Variants in FOCAD observed in about 807,000 individuals in gnomAD.
FOCAD encodes the protein focadhesin.
Under a neutral mutation model 225.6 loss-of-function variants are expected in FOCAD, and 198 were observed. That is an observed-to-expected ratio of 0.88 (90% CI 0.78 to 0.99). FOCAD has a LOEUF of 0.99. Ranked by LOEUF, FOCAD falls within the 50% of genes least tolerant of loss-of-function variation. The pLI, the probability that FOCAD is intolerant of heterozygous loss-of-function variation, is 0.00. For synonymous variants in FOCAD, 897 were observed against 755.0 expected (o/e 1.19, Z -3.08); for missense variants, 2,713 against 2,123.6 (o/e 1.28, Z -5.46).
intron 33 of FOCAD, among the ~76,000 whole-genome samples, chr9:20,950,116 A>G (rs1837555329): frequency 6.6e-6 from 1 of 151,976 alleles, no homozygotes; most frequent in Non-Finnish European, 1.5e-5. Flanking sequence ...CTCCTAAGAA[A>G]TGTTTTTTTG....
chr9:20,770,344 G>C (rs1341904493), intron 8 of FOCAD, 106 bp downstream of exon 8: 1 of 1,023,148 alleles, frequency 9.8e-7, no homozygotes, highest in Non-Finnish European at 1.4e-6. Context: ...AGTCTGGCAG[G>C]CTGTACAGGA....
At chr9:20,908,909 A>T (rs1833204107) in intron 22 of FOCAD, among the ~76,000 whole-genome samples, 1 of 152,096 alleles carries the variant, frequency 6.6e-6, no homozygotes, top group African/African-American at 2.4e-5. Context: ...CTCCTTCCTC[A>T]CAATGAGCTC....
At chr9:20,723,275 G>A (rs1398838959) in intron 4 of FOCAD, among the ~76,000 whole-genome samples, 1 of 152,202 alleles carries the variant, frequency 6.6e-6, no homozygotes, top group Non-Finnish European at 1.5e-5. Context: ...ATCACTTGAG[G>A]TCAGGAGTTC....
intron 21 of FOCAD, among the ~76,000 whole-genome samples, chr9:20,885,738 T>C (rs1368511953): frequency 6.6e-6 from 1 of 152,210 alleles, no homozygotes; most frequent in African/African-American, 2.4e-5. Flanking sequence ...GAAATCTGAT[T>C]ATTGCAGATT....
chr9:20,993,650 T>C (rs1006618943), intron 43 of FOCAD, among the ~76,000 whole-genome samples: 2 of 152,216 alleles, frequency 1.3e-5, no homozygotes, highest in Non-Finnish European at 2.9e-5. Context: ...TAAGTACTTA[T>C]GTGTGGAATT....
chr9:20,926,388 A>G lies in FOCAD; in HGVS notation c.3049A>G (p.Arg1017Gly). 6.2e-7 allele frequency: 1 copy of G among 1,611,220 alleles called. No individual in the cohort carries two copies. Among genetic ancestry groups the G allele is most frequent in the African/African-American group, 1.3e-5 (1 of 75,008 alleles). The change falls in exon 26 of 44, where the codon AGA (arginine) becomes GGA (glycine). Residue 1017 changes from arginine to glycine, a missense_variant. By Grantham distance (125) the Arg-to-Gly change is moderately radical. Coordinates refer to ENST00000338382, the MANE Select transcript of FOCAD (RefSeq NM_001375567.1). ...LVIVDSHYQP[R>G]GQLLSWFYYK... ...CATTGTGGATAGCCATTACCAACCCAGAGGGCAACTTCTCTCCTGGTTTTA... is the reference window on the plus strand; with the variant it reads ...CATTGTGGATAGCCATTACCAACCCGGAGGGCAACTTCTCTCCTGGTTTTA...
At chr9:20,698,283 A>G (rs1823546086) in intron 1 of FOCAD, among the ~76,000 whole-genome samples, 1 of 152,088 alleles carries the variant, frequency 6.6e-6, no homozygotes, top group African/African-American at 2.4e-5. Context: ...AACCCTATCA[A>G]CATTTTTGCC....
chr9:20,762,256 A>G (rs1241555240), intron 6 of FOCAD, among the ~76,000 whole-genome samples: 1 of 152,248 alleles, frequency 6.6e-6, no homozygotes, highest in African/African-American at 2.4e-5. Context: ...TATTTCATAC[A>G]TACATTATCT....
intron 2 of FOCAD, among the ~76,000 whole-genome samples, chr9:20,717,370 T>C (rs768832495): frequency 6.6e-5 from 10 of 152,220 alleles, no homozygotes; most frequent in Non-Finnish European, 1.3e-4. Context: ...GCCTATTGGC[T>C]CTAAGACATA....
At chr9:20,988,231 C>A in intron 40 of FOCAD, 101 bp from the exon 41 acceptor site, 2 of 640,812 alleles carry the variant, frequency 3.1e-6, no homozygotes, top group Non-Finnish European at 2.7e-6. Flanking sequence ...TAATGGAATC[C>A]TCACCAGGTG....
chr9:20,703,029 G>T (rs1824092863), intron 1 of FOCAD, among the ~76,000 whole-genome samples: 1 of 152,024 alleles, frequency 6.6e-6, no homozygotes, highest in South Asian at 2.1e-4. Context: ...AAACAAAACG[G>T]TCCCTGCCTT....
chr9:20,656,045 A>C, upstream of FOCAD, among the ~76,000 whole-genome samples: 1 of 151,590 alleles, frequency 6.6e-6, no homozygotes, highest in Non-Finnish European at 1.5e-5. Flanking sequence ...CCCAGTAGTC[A>C]TTCAGGAGCA....
chr9:20,795,784 G>GAAAAA (rs1161085446), intron 11 of FOCAD, among the ~76,000 whole-genome samples: 4 of 42,402 alleles, frequency 9.4e-5, no homozygotes, highest in Admixed American at 3.4e-4. Context: ...ACTCTGTCTC[G>GAAAAA]AAAAAAAAAA....
At chr9:20,662,450 C>T (rs1259082016) in intron 2 of FOCAD, among the ~76,000 whole-genome samples, 1 of 152,114 alleles carries the variant, frequency 6.6e-6, no homozygotes. Flanking sequence ...AAGACTGGGA[C>T]ATTTTAGTCT....
chr9:20,993,089 CAT>C (rs1841805074), intron 42 of FOCAD, among the ~76,000 whole-genome samples, 162 bp from the exon 43 acceptor site: 2 of 152,022 alleles, frequency 1.3e-5, no homozygotes, highest in South Asian at 4.2e-4. Flanking sequence ...GTCCCTGTCT[CAT>C]CTCCTCCACC....
upstream of FOCAD, among the ~76,000 whole-genome samples, chr9:20,679,351 T>G (rs1822331728): frequency 6.6e-6 from 1 of 152,174 alleles, no homozygotes; most frequent in African/African-American, 2.4e-5. Flanking sequence ...GATTTAGTAC[T>G]GAATTTCTCC....
At chr9:20,922,086 T>A (rs892836869) in intron 24 of FOCAD, among the ~76,000 whole-genome samples, 1 of 152,144 alleles carries the variant, frequency 6.6e-6, no homozygotes, top group Non-Finnish European at 1.5e-5. Context: ...AATAAAAGAT[T>A]TAATTTTGTT....
intron 21 of FOCAD, among the ~76,000 whole-genome samples, chr9:20,889,088 A>G (rs1351650353): frequency 6.6e-6 from 1 of 152,212 alleles, no homozygotes; most frequent in African/African-American, 2.4e-5. Context: ...GAACAATTTC[A>G]TTACCCAGAA....
chr9:20,855,788 T>C (rs1434690363), intron 15 of FOCAD, among the ~76,000 whole-genome samples: 3 of 145,826 alleles, frequency 2.1e-5, no homozygotes, highest in African/African-American at 5.0e-5. Flanking sequence ...ATTTTACCCC[T>C]ATATTCTTTT....
Sources: gnomAD v4.1 joint callset for allele counts (sites outside exome capture counted in the v4.1 genomes callset) on GRCh38, gnomAD v4.1.1 for gene constraint, MANE v1.5 for transcripts, NCBI Gene and HGNC (gene_info 2026-07-23, HGNC 2026-07-21) for gene names.